The following GOLPH3L variants were observed in gnomAD, a reference collection of about 807,000 sequenced individuals.
GOLPH3L encodes Golgi phosphoprotein 3-like.
GOLPH3L carries 22 observed loss-of-function variants against 30.3 expected under a neutral mutation model. The ratio of observed to expected loss-of-function variants is 0.73; its 90% CI spans 0.52 to 1.04. The LOEUF (loss-of-function observed/expected upper bound fraction) is 1.04. GOLPH3L is among the 50% of genes least tolerant of loss of function. GOLPH3L has a pLI of 0.00. For synonymous variants in GOLPH3L, 120 were observed against 128.2 expected (o/e 0.94, Z 0.43); for missense variants, 303 against 345.8 (o/e 0.88, Z 0.98).
chr1:150,656,412 T>C (rs770478134), intron 4 of GOLPH3L, among the ~76,000 whole-genome samples: 2 of 152,160 alleles, frequency 1.3e-5, no homozygotes, highest in Non-Finnish European at 2.9e-5. Flanking sequence ...GCAATCTATT[T>C]TCTATCCTTA....
chr1:150,680,863 A>G (rs1262995237), intron 2 of GOLPH3L, among the ~76,000 whole-genome samples: 2 of 152,208 alleles, frequency 1.3e-5, no homozygotes, highest in African/African-American at 4.8e-5. Flanking sequence ...TTTTTATATA[A>G]TCAGGCTGGG....
At chr1:150,684,966 C>T (rs949211331) in intron 2 of GOLPH3L, among the ~76,000 whole-genome samples, 3 of 152,054 alleles carry the variant, frequency 2.0e-5, no homozygotes, top group Non-Finnish European at 4.4e-5. Flanking sequence ...CCATGCCCAG[C>T]GATAATATGA....
intron 2 of GOLPH3L, among the ~76,000 whole-genome samples, chr1:150,687,588 A>G (rs1197262388): frequency 1.3e-5 from 2 of 152,038 alleles, no homozygotes; most frequent in Admixed American, 1.3e-4. Context: ...AAAAAAAACA[A>G]AAAAAAACTT....
chr1:150,649,831 G>A (rs1650063989), intron 4 of GOLPH3L, among the ~76,000 whole-genome samples: 1 of 151,792 alleles, frequency 6.6e-6, no homozygotes, highest in African/African-American at 2.4e-5. Flanking sequence ...AGAAAGCTAA[G>A]CTTAAAAATA....
intron 2 of GOLPH3L, among the ~76,000 whole-genome samples, chr1:150,685,882 T>C (rs1651075610): frequency 6.7e-6 from 1 of 148,506 alleles, no homozygotes; most frequent in South Asian, 2.2e-4. Flanking sequence ...GTCTTTTTTT[T>C]TTTTTTTTTT....
chr1:150,652,407 A>C (rs1487398320), intron 4 of GOLPH3L, among the ~76,000 whole-genome samples: 1 of 133,410 alleles, frequency 7.5e-6, no homozygotes, highest in East Asian at 2.1e-4. Flanking sequence ...AAAAAAAAAA[A>C]ACCCTAAAAA....
intron 2 of GOLPH3L, among the ~76,000 whole-genome samples, chr1:150,672,326 G>T (rs587710130): frequency 6.6e-6 from 1 of 152,284 alleles, no homozygotes; most frequent in East Asian, 1.9e-4. Flanking sequence ...TATTAAAAGA[G>T]TGGTATTCAG....
chr1:150,663,780 G>A lies in GOLPH3L; in HGVS notation c.184-17C>T, dbSNP rs751983338. 3.7e-6 allele frequency: 6 copies of A among 1,610,088 alleles called. No homozygotes were observed. The Admixed American group carries it at 6.7e-5, about 18-fold the overall frequency. ...TGTGTACCCCTAGGAAAGGAGAAAA[G>A]AGAAGAGAAAGAATGTTTTGAGAGG... is the stretch of plus-strand genomic sequence containing the variant. On this transcript the variant is annotated splice_polypyrimidine_tract_variant and intron_variant, in intron 2 of 4. Coordinates refer to ENST00000271732, the MANE Select transcript of GOLPH3L (RefSeq NM_018178.6).
intron 4 of GOLPH3L, among the ~76,000 whole-genome samples, chr1:150,654,807 T>G (rs1334919299): frequency 1.3e-5 from 2 of 152,218 alleles, no homozygotes; most frequent in Non-Finnish European, 2.9e-5. Flanking sequence ...GCCTTCTGCC[T>G]GGGGAACTCC....
intron 2 of GOLPH3L, among the ~76,000 whole-genome samples, chr1:150,686,571 A>G (rs1651091205): frequency 6.6e-6 from 1 of 152,242 alleles, no homozygotes; most frequent in Admixed American, 6.5e-5. Context: ...TTTGACTCCT[A>G]TAAAGAGAAT....
intron 2 of GOLPH3L, among the ~76,000 whole-genome samples, chr1:150,672,766 C>A (rs1349804971): frequency 6.6e-6 from 1 of 152,072 alleles, no homozygotes; most frequent in Non-Finnish European, 1.5e-5. Context: ...CATTAAAAGC[C>A]CACTCTGTTT....
intron 2 of GOLPH3L, among the ~76,000 whole-genome samples, chr1:150,679,624 C>A (rs935664320): frequency 2.0e-5 from 3 of 152,114 alleles, no homozygotes; most frequent in Middle Eastern, 3.4e-3. Flanking sequence ...AGTGAAACTC[C>A]CTGTCTCTAC....
At chr1:150,674,888 T>C (rs1448483060) in intron 2 of GOLPH3L, among the ~76,000 whole-genome samples, 2 of 151,316 alleles carry the variant, frequency 1.3e-5, no homozygotes, top group Non-Finnish European at 2.9e-5. Context: ...TGAGACCCTG[T>C]CTCAAAGGAA....
intron 2 of GOLPH3L, among the ~76,000 whole-genome samples, chr1:150,693,614 G>A (rs1368371869): frequency 2.0e-5 from 3 of 151,490 alleles, no homozygotes; most frequent in African/African-American, 4.9e-5. Flanking sequence ...GAAGGATGAT[G>A]ATGTATACTA....
At chr1:150,657,422 A>G (rs1191072288) in intron 4 of GOLPH3L, among the ~76,000 whole-genome samples, 1 of 152,256 alleles carries the variant, frequency 6.6e-6, no homozygotes, top group African/African-American at 2.4e-5. Flanking sequence ...GTCAAATGGT[A>G]TATTCCTCAT....
Position 150,663,768 on chromosome 1 carries a change from G to T in GOLPH3L, c.184-5C>A. On this transcript the variant is annotated splice_polypyrimidine_tract_variant and splice_region_variant and intron_variant, in intron 2 of 4. Coordinates refer to ENST00000271732, the MANE Select transcript of GOLPH3L (RefSeq NM_018178.6). ...ATTCCAGAAAGATGTGTACCCCTAG[G>T]AAAGGAGAAAAGAGAAGAGAAAGAA... The T allele has an allele frequency of 6.2e-7, 1 of 1,611,886 alleles. No homozygotes were observed. Among genetic ancestry groups the T allele is most frequent in the Non-Finnish European group, 8.5e-7 (1 of 1,178,558 alleles).
intron 2 of GOLPH3L, among the ~76,000 whole-genome samples, chr1:150,680,112 A>T (rs1181553222): frequency 6.6e-6 from 1 of 152,180 alleles, no homozygotes; most frequent in Non-Finnish European, 1.5e-5. Context: ...CTTCTGCAAC[A>T]GTTTAGATTG....
In GOLPH3L at chr1:150,647,047, AAACT is replaced by A. The variant is rs1163521769; in HGVS notation, c.*1270_*1273del. ...CACATCTATGGATTAAATATAGACA[AAACT>A]ACTCCCAGAAACCTTAAATATAGAC... On this transcript the variant is annotated 3_prime_UTR_variant, in exon 5 of 5. Coordinates refer to ENST00000271732, the MANE Select transcript of GOLPH3L (RefSeq NM_018178.6). The A allele has an allele frequency of 4.6e-5, 7 of 152,362 alleles. No individual in the cohort carries two copies. In the East Asian group the frequency reaches 1.3e-3, roughly 29 times the overall value. The allele number at this position is 152,362 out of a possible 1,614,324, so 9.4% of individuals were successfully genotyped here.
rs1281676171 is a variant in GOLPH3L, at chr1:150,646,446, A to T, written c.*1875T>A. On this transcript the variant is annotated 3_prime_UTR_variant, in exon 5 of 5. Coordinates refer to ENST00000271732, the MANE Select transcript of GOLPH3L (RefSeq NM_018178.6). ...CCACAGGAAAACCTGGTTTCAATTCATGCCGAATTGTTCAAAGAAAAGAAA... is the reference window on the plus strand; with the variant it reads ...CCACAGGAAAACCTGGTTTCAATTCTTGCCGAATTGTTCAAAGAAAAGAAA... The T allele has an allele frequency of 6.6e-6, 1 of 152,234 alleles. No homozygotes were observed. The highest frequency in any genetic ancestry group is 1.5e-5 in the Non-Finnish European group (1 of 68,038). The allele number at this position is 152,234 out of a possible 1,614,324, so 9.4% of individuals were successfully genotyped here. A position where few individuals can be genotyped will look rare whatever the true frequency, so the allele number is the denominator to read the frequency against.
Sources: allele counts gnomAD v4.1 joint callset (sites outside exome capture counted in the v4.1 genomes callset), GRCh38; gene constraint gnomAD v4.1.1; transcripts MANE v1.5; gene names NCBI Gene and HGNC (gene_info 2026-07-23, HGNC 2026-07-21).